Variants in EDIL3 observed in about 807,000 individuals in gnomAD.
EDIL3 encodes the protein EGF like and discoidin domains 3, also known as EGF-like repeat and discoidin I-like domain-containing protein 3.
EDIL3 carries 37 observed loss-of-function variants against 67.4 expected under a neutral mutation model. The observed-to-expected ratio is 0.55, with a 90% CI of 0.42 to 0.72. EDIL3 has a LOEUF of 0.72. Among genes scored for constraint, EDIL3 ranks in the 30% least tolerant of loss-of-function variants. EDIL3 has a pLI of 0.00. For synonymous variants in EDIL3, 195 were observed against 196.3 expected, an observed-to-expected ratio of 0.99 and a Z score of 0.05; for missense variants, 527 against 586.3, an observed-to-expected ratio of 0.90 and a Z score of 1.04.
chr5:84,106,373 T>C (rs973031806), intron 6 of EDIL3, among the ~76,000 whole-genome samples: 5 of 152,084 alleles, frequency 3.3e-5, no homozygotes, highest in Admixed American at 3.3e-4. Context: ...ACACACAGTA[T>C]ACAGAAAGTC....
intron 9 of EDIL3, among the ~76,000 whole-genome samples, chr5:83,982,304 A>AAATTAATAT (rs1744983439): frequency 6.6e-6 from 1 of 152,122 alleles, no homozygotes; most frequent in Non-Finnish European, 1.5e-5. Context: ...AATGAGGCCA[A>AAATTAATAT]AATTAATATA....
intron 3 of EDIL3, among the ~76,000 whole-genome samples, chr5:84,194,281 C>T (rs1352791724): frequency 1.3e-5 from 2 of 151,964 alleles, no homozygotes; most frequent in Non-Finnish European, 2.9e-5. Flanking sequence ...GTTGTGTTCT[C>T]ATTTTTGCTG....
chr5:84,269,052 C>T (rs1202871722), intron 1 of EDIL3, among the ~76,000 whole-genome samples: 2 of 152,144 alleles, frequency 1.3e-5, no homozygotes, highest in Non-Finnish European at 2.9e-5. Context: ...TTTGTTCCCT[C>T]ATCATATATG....
At chr5:84,225,427 T>G (rs921369386) in intron 3 of EDIL3, among the ~76,000 whole-genome samples, 3 of 151,690 alleles carry the variant, frequency 2.0e-5, no homozygotes, top group East Asian at 1.9e-4. Context: ...TGACATTTAT[T>G]TTATTAAATA....
intron 3 of EDIL3, among the ~76,000 whole-genome samples, chr5:84,227,960 C>T (rs1225433000): frequency 6.6e-6 from 1 of 151,964 alleles, no homozygotes; most frequent in Non-Finnish European, 1.5e-5. Flanking sequence ...TGAAAATCTA[C>T]CTATTGGATA....
intron 1 of EDIL3, among the ~76,000 whole-genome samples, chr5:84,314,876 T>C (rs778352955): frequency 8.5e-5 from 13 of 152,114 alleles, no homozygotes; most frequent in Non-Finnish European, 1.5e-4. Flanking sequence ...ATGCTAACCC[T>C]ATTAAGTAGC....
At chr5:84,209,027 T>A (rs185546084) in intron 3 of EDIL3, among the ~76,000 whole-genome samples, 6,300 of 152,158 alleles carry the variant, frequency 0.041, 174 homozygotes, top group Non-Finnish European at 0.055. Flanking sequence ...CATATACACC[T>A]TGGAATACTA....
intron 5 of EDIL3, among the ~76,000 whole-genome samples, chr5:84,133,388 C>T (rs1029144360): frequency 2.0e-5 from 3 of 147,216 alleles, no homozygotes; most frequent in African/African-American, 5.1e-5. Flanking sequence ...TTTGGGAGGC[C>T]GAGGTGAGAA....
At chr5:84,323,152 G>T (rs1195192625) in intron 1 of EDIL3, among the ~76,000 whole-genome samples, 1 of 151,936 alleles carries the variant, frequency 6.6e-6, no homozygotes, top group Non-Finnish European at 1.5e-5. Flanking sequence ...TAGTATTATT[G>T]TAACTTTGGT....
At chr5:84,066,239 TA>T (rs1311043385) in intron 7 of EDIL3, among the ~76,000 whole-genome samples, 1 of 152,108 alleles carries the variant, frequency 6.6e-6, no homozygotes, top group African/African-American at 2.4e-5. Context: ...CACCACCAAT[TA>T]AAATCTGTGA....
rs372998326 is a variant in EDIL3 at position 84,300,311 on chromosome 5, A to AT, written c.68-46100dup. 2.4e-3 allele frequency among the ~76,000 whole-genome samples: 366 copies of AT among 152,250 alleles called. 2 individuals are homozygous for AT. Among genetic ancestry groups the AT allele is most frequent in the African/African-American group, 8.1e-3 (337 of 41,518 alleles). ...GAATTCAGGTGGGAATGGTTCTCTG[A>AT]TTTTAAATACCCAGGTGCTTAGGTT... On this transcript the variant is annotated intron_variant, in intron 1 of 10. Coordinates refer to ENST00000296591, the MANE Select transcript of EDIL3 (RefSeq NM_005711.5).
intron 9 of EDIL3, among the ~76,000 whole-genome samples, chr5:84,025,780 T>G (rs939445308): frequency 2.6e-5 from 4 of 152,214 alleles, no homozygotes; most frequent in Admixed American, 6.5e-5. Flanking sequence ...CATGATTGTA[T>G]GTAATATGAT....
chr5:84,285,797 G>A (rs114802389), intron 1 of EDIL3, among the ~76,000 whole-genome samples: 77 of 152,278 alleles, frequency 5.1e-4, no homozygotes, highest in African/African-American at 1.8e-3. Context: ...GCTGTGGAAC[G>A]CCTCAGATAG....
intron 3 of EDIL3, among the ~76,000 whole-genome samples, chr5:84,225,591 ACTAT>A (rs956172789): frequency 4.0e-5 from 6 of 151,776 alleles, no homozygotes; most frequent in African/African-American, 9.6e-5. Flanking sequence ...CAAGTAAAAC[ACTAT>A]CTAATGTCTC....
chr5:84,224,936 C>T (rs892609297), intron 3 of EDIL3, among the ~76,000 whole-genome samples: 1 of 151,444 alleles, frequency 6.6e-6, no homozygotes, highest in Non-Finnish European at 1.5e-5. Flanking sequence ...ATGTGAATCT[C>T]ATTAGTTTGT....
rs540204823 is a variant in EDIL3, at chr5:83,965,708, T to G, written c.1138-2348A>C. Among the ~76,000 whole-genome samples the G allele has an allele frequency of 2.6e-5, 4 of 152,032 alleles. No homozygotes were observed. The East Asian group carries it at 7.8e-4, about 30-fold the overall frequency. ...TGTTTTCTCCCCAAGTTGTGTGTCT[T>G]GGCACTTTCCAACAGATACGTTTTT... On this transcript the variant is annotated intron_variant, in intron 9 of 10. Transcript: ENST00000296591.
chr5:84,286,118 T>G (rs776096229), intron 1 of EDIL3, among the ~76,000 whole-genome samples: 2 of 152,168 alleles, frequency 1.3e-5, no homozygotes, highest in Non-Finnish European at 2.9e-5. Flanking sequence ...TCAGGCTGCA[T>G]AAATATTCCT....
At chr5:83,963,717 T>C (rs914913985) in intron 9 of EDIL3, among the ~76,000 whole-genome samples, 3 of 150,930 alleles carry the variant, frequency 2.0e-5, no homozygotes, top group Non-Finnish European at 4.4e-5. Flanking sequence ...CTTCTTGAGA[T>C]TGATCACTAC....
At chr5:84,122,090 A>T (rs1747785736) in intron 5 of EDIL3, among the ~76,000 whole-genome samples, 1 of 151,946 alleles carries the variant, frequency 6.6e-6, no homozygotes, top group Non-Finnish European at 1.5e-5. Flanking sequence ...GCAGCATTTT[A>T]CCCATTCTCA....
Sources: gnomAD v4.1 joint callset for allele counts (sites outside exome capture counted in the v4.1 genomes callset) on GRCh38, gnomAD v4.1.1 for gene constraint, MANE v1.5 for transcripts, NCBI Gene and HGNC (gene_info 2026-07-23, HGNC 2026-07-21) for gene names.